RNF130: variants seen among roughly 807,000 people sequenced by gnomAD.
RNF130 encodes ring finger protein 130.
RNF130 carries 21 observed loss-of-function variants against 44.6 expected under a neutral mutation model. That is an observed-to-expected ratio of 0.47 (90% CI 0.33 to 0.68). The LOEUF (loss-of-function observed/expected upper bound fraction) is 0.68, where lower values mean the gene tolerates loss of function less well. RNF130 is among the 30% of genes least tolerant of loss of function. RNF130 has a pLI of 0.02. For synonymous variants in RNF130, 214 were observed against 210.4 expected, an observed-to-expected ratio of 1.02 and a Z score of -0.15; for missense variants, 479 against 560.6, an observed-to-expected ratio of 0.85 and a Z score of 1.47.
At chr5:180,068,657 G>A (rs183766419) in intron 1 of RNF130, among the ~76,000 whole-genome samples, 26 of 152,326 alleles carry the variant, frequency 1.7e-4, no homozygotes, top group Admixed American at 1.6e-3. Flanking sequence ...ACTGATAGTA[G>A]CACTGCAAAG....
At chr5:179,962,458 C>T (rs1438661018) in intron 8 of RNF130, among the ~76,000 whole-genome samples, 2 of 152,148 alleles carry the variant, frequency 1.3e-5, no homozygotes, top group African/African-American at 2.4e-5. Context: ...ATTAAAGTAT[C>T]AGGACGTAAT....
chr5:179,921,288 T>G (rs1761628084), intron 7 of RNF130, among the ~76,000 whole-genome samples: 2 of 152,156 alleles, frequency 1.3e-5, no homozygotes, highest in Non-Finnish European at 2.9e-5. Flanking sequence ...TCTACCCTAC[T>G]CCTATTGCCA....
chr5:179,941,156 G>GT (rs1362939064), intron 7 of RNF130, among the ~76,000 whole-genome samples: 1 of 152,056 alleles, frequency 6.6e-6, no homozygotes, highest in African/African-American at 2.4e-5. Flanking sequence ...TCTGTTCTTT[G>GT]TTTTTTCTCC....
chr5:179,917,581 G>A (rs1002604203), exon 8 of RNF130: 2 of 152,320 alleles, frequency 1.3e-5, no homozygotes, highest in Admixed American at 6.5e-5. Flanking sequence ...CCCATGTGGC[G>A]ACGTGTGTCT....
At chr5:179,996,201 T>C (rs766996362) in intron 3 of RNF130, among the ~76,000 whole-genome samples, 5 of 152,236 alleles carry the variant, frequency 3.3e-5, no homozygotes, top group Non-Finnish European at 7.3e-5. Context: ...ATGTATTTTA[T>C]TCTTTTTTGG....
chr5:179,960,847 A>G (rs1279558553), intron 8 of RNF130, among the ~76,000 whole-genome samples: 1 of 16,840 alleles, frequency 5.9e-5, no homozygotes, highest in African/African-American at 8.2e-4. Context: ...ATTAAGGTGA[A>G]AAAAAAAAAA....
intron 2 of RNF130, among the ~76,000 whole-genome samples, chr5:180,026,758 A>G (rs1163129062): frequency 6.6e-6 from 1 of 152,246 alleles, no homozygotes; most frequent in Non-Finnish European, 1.5e-5. Context: ...AAGCTTAACA[A>G]CCAAACTAAA....
At chr5:179,982,034 C>A (rs552947505) in intron 3 of RNF130, among the ~76,000 whole-genome samples, 1 of 152,236 alleles carries the variant, frequency 6.6e-6, no homozygotes, top group South Asian at 2.1e-4. Flanking sequence ...CATCCCCAAA[C>A]TTCTTTGTGC....
intron 2 of RNF130, among the ~76,000 whole-genome samples, chr5:180,025,377 A>G (rs1763963418): frequency 6.6e-6 from 1 of 152,248 alleles, no homozygotes; most frequent in Non-Finnish European, 1.5e-5. Flanking sequence ...CACAGAAAAG[A>G]CAAAAAAGTA....
chr5:179,966,957 T>A lies in RNF130; in HGVS notation c.999A>T (p.Arg333Ser). 6.2e-7 allele frequency: 1 copy of A among 1,614,256 alleles called. No individual in the cohort carries two copies. ...NVAFDMERLTRTQAVNRRSAL... is the reference protein window; with the variant it reads ...NVAFDMERLTSTQAVNRRSAL... Reference sequence around the variant, plus strand: ...CTGATCTTCGGTTAACAGCTTGGGTTCTGGTGAGCCTTTCCATATCGAATG... The same window carrying A: ...CTGATCTTCGGTTAACAGCTTGGGTACTGGTGAGCCTTTCCATATCGAATG... Residue 333 changes from arginine to serine, a missense_variant, in exon 7 of 9, where the codon AGA (arginine) becomes AGT (serine). Around this residue, in one of 3 missense-constraint regions of RNF130, gnomAD observed 161 missense variants for 158.6 expected, o/e 1.02. Coordinates refer to ENST00000521389, the MANE Select transcript of RNF130 (RefSeq NM_018434.6).
At chr5:179,928,355 T>A (rs1162423920) in intron 7 of RNF130, among the ~76,000 whole-genome samples, 1 of 150,588 alleles carries the variant, frequency 6.6e-6, no homozygotes, top group African/African-American at 2.5e-5. Context: ...ATGGATATTT[T>A]GTTTTTTTTT....
intron 1 of RNF130, among the ~76,000 whole-genome samples, chr5:180,055,444 G>C (rs1177754759): frequency 3.3e-5 from 5 of 150,586 alleles, no homozygotes; most frequent in African/African-American, 9.9e-5. Context: ...ATGACTTTGT[G>C]TGTGTGTGCG....
intron 2 of RNF130, among the ~76,000 whole-genome samples, chr5:180,020,217 T>C (rs1763840519): frequency 1.3e-5 from 2 of 152,018 alleles, no homozygotes; most frequent in African/African-American, 4.8e-5. Context: ...GTGGAAGGAA[T>C]TTTCGGTTAG....
At chr5:179,982,724 G>A (rs1582161788) in intron 3 of RNF130, among the ~76,000 whole-genome samples, 2 of 152,010 alleles carry the variant, frequency 1.3e-5, no homozygotes, top group East Asian at 1.9e-4. Context: ...GAACTACAGG[G>A]GTGCACCACC....
intron 7 of RNF130, among the ~76,000 whole-genome samples, chr5:179,929,632 C>T (rs1246833252): frequency 6.6e-6 from 1 of 151,962 alleles, no homozygotes; most frequent in Non-Finnish European, 1.5e-5. Context: ...CCTGTAGTCC[C>T]AGCTATTCAG....
chr5:180,044,000 A>C (rs1446394742), intron 1 of RNF130, among the ~76,000 whole-genome samples: 1 of 152,216 alleles, frequency 6.6e-6, no homozygotes, highest in Non-Finnish European at 1.5e-5. Context: ...AAATATAAAT[A>C]ATGAAAACAA....
At chr5:180,041,817 T>G (rs1307478667) in intron 1 of RNF130, among the ~76,000 whole-genome samples, 1 of 152,234 alleles carries the variant, frequency 6.6e-6, no homozygotes, top group East Asian at 1.9e-4. Context: ...GGCTCACGCC[T>G]GTTAATCCCA....
At chr5:179,983,326 A>G (rs865907543) in intron 3 of RNF130, among the ~76,000 whole-genome samples, 2 of 146,770 alleles carry the variant, frequency 1.4e-5, no homozygotes, top group African/African-American at 5.2e-5. Flanking sequence ...TGTCAGGTAC[A>G]GATGAACTTT....
chr5:179,946,961 T>C (rs1351016404), intron 7 of RNF130, among the ~76,000 whole-genome samples: 1 of 152,146 alleles, frequency 6.6e-6, no homozygotes, highest in Admixed American at 6.5e-5. Flanking sequence ...ACCTGTTTTT[T>C]CAACTCCTTG....
Sources: gnomAD v4.1 joint callset for allele counts (sites outside exome capture counted in the v4.1 genomes callset) on GRCh38, gnomAD v4.1.1 for gene constraint, gnomAD v4.1.1 regional missense constraint, MANE v1.5 for transcripts, NCBI Gene and HGNC (gene_info 2026-07-23, HGNC 2026-07-21) for gene names.